NAV3: variants seen among roughly 807,000 people sequenced by gnomAD.
The protein encoded by NAV3 is pore membrane and/or filament interacting like protein 1.
Under a neutral mutation model 244.7 loss-of-function variants are expected in NAV3, and 87 were observed. The observed-to-expected ratio is 0.36, with a 90% CI of 0.30 to 0.42. The LOEUF is 0.42. Ranked by LOEUF, NAV3 falls within the 20% of genes least tolerant of loss-of-function variation. The pLI, the probability that NAV3 is intolerant of heterozygous loss-of-function variation, is 1.00. For synonymous variants in NAV3, 1,126 were observed against 1,042.2 expected, an observed-to-expected ratio of 1.08 and a Z score of -1.55; for missense variants, 2,663 against 2,893.3, an observed-to-expected ratio of 0.92 and a Z score of 1.83.
At chr12:77,789,917 C>T (rs183766705) in intron 2 of NAV3, among the ~76,000 whole-genome samples, 55 of 151,486 alleles carry the variant, frequency 3.6e-4, no homozygotes, top group East Asian at 1.6e-3. Flanking sequence ...TGTGTTGTGC[C>T]ACATTCAAAG....
At chr12:77,957,244 G>C (rs1011689432) in intron 3 of NAV3, among the ~76,000 whole-genome samples, 26 of 152,302 alleles carry the variant, frequency 1.7e-4, no homozygotes, top group Admixed American at 1.2e-3. Flanking sequence ...CAAAGGCAAA[G>C]ATCTTATCAT....
rs1228314486 is a variant in NAV3 at position 78,092,502 on chromosome 12, T to TC, written c.2637-24270_2637-24269insC. ...GCGTTAGTTATTTTCTTTTTTTTTTTTTTTTTTTTTTTTTTGAGATGGAGT... is the reference window on the plus strand; with the variant it reads ...GCGTTAGTTATTTTCTTTTTTTTTTTCTTTTTTTTTTTTTTTGAGATGGAGT... On this transcript the variant is annotated intron_variant, in intron 12 of 39. Transcript: ENST00000397909. Among the ~76,000 whole-genome samples the TC allele has an allele frequency of 1.5e-4, 20 of 136,542 alleles. 1 individual carries two copies. The South Asian group carries it at 1.5e-3, about 10-fold the overall frequency. The allele number at this position is 136,542 out of a possible 152,430, so 89.6% of individuals were successfully genotyped here.
intron 1 of NAV3, among the ~76,000 whole-genome samples, chr12:77,894,643 G>A (rs1884357135): frequency 6.6e-6 from 1 of 152,154 alleles, no homozygotes; most frequent in Admixed American, 6.5e-5. Context: ...TCAAATAAAT[G>A]TCTATGAAGA....
At chr12:77,889,967 T>C (rs1028249399) in intron 1 of NAV3, among the ~76,000 whole-genome samples, 1 of 152,160 alleles carries the variant, frequency 6.6e-6, no homozygotes, top group Non-Finnish European at 1.5e-5. Context: ...GAAGTCCAAC[T>C]GGAATAACCA....
At chr12:78,009,791 G>A (rs1290998133) in intron 8 of NAV3, among the ~76,000 whole-genome samples, 1 of 152,072 alleles carries the variant, frequency 6.6e-6, no homozygotes, top group African/African-American at 2.4e-5. Flanking sequence ...TGCCTACCTC[G>A]ATTGATTGTA....
chr12:77,647,067 T>TACACAC (rs3046395), intron 2 of NAV3, among the ~76,000 whole-genome samples: 7,269 of 149,718 alleles, frequency 0.049, 335 homozygotes, highest in African/African-American at 0.11. Context: ...CATATATATA[T>TACACAC]ACACACACAC....
upstream of NAV3, among the ~76,000 whole-genome samples, chr12:77,828,445 A>T (rs1330495532): frequency 6.6e-6 from 1 of 152,188 alleles, no homozygotes; most frequent in Admixed American, 6.5e-5. Flanking sequence ...GAATACAATC[A>T]TCTATATTTT....
intron 22 of NAV3, among the ~76,000 whole-genome samples, chr12:78,153,132 G>A (rs1173990584): frequency 6.6e-6 from 1 of 151,864 alleles, no homozygotes; most frequent in African/African-American, 2.4e-5. Context: ...CATTTATATG[G>A]ACTCTAAACA....
intron 1 of NAV3, among the ~76,000 whole-genome samples, chr12:77,852,835 T>A (rs1376410049): frequency 6.6e-6 from 1 of 152,200 alleles, no homozygotes; most frequent in Non-Finnish European, 1.5e-5. Context: ...TTTATATTAT[T>A]CCAGTACGTG....
chr12:77,607,564 T>C (rs1870725083), intron 2 of NAV3, among the ~76,000 whole-genome samples: 1 of 152,068 alleles, frequency 6.6e-6, no homozygotes, highest in South Asian at 2.1e-4. Context: ...TTAAATTGCC[T>C]AAGAGAGGGG....
At chr12:77,816,197 G>A (rs1872521447) in intron 2 of NAV3, among the ~76,000 whole-genome samples, 1 of 152,186 alleles carries the variant, frequency 6.6e-6, no homozygotes, top group African/African-American at 2.4e-5. Flanking sequence ...AGACACAGAA[G>A]GTCTGGAAAC....
chr12:77,876,486 TCATGGTAGTCAATACTGCATACA>T (rs1479449729), intron 1 of NAV3, among the ~76,000 whole-genome samples: 12 of 152,228 alleles, frequency 7.9e-5, no homozygotes, highest in Admixed American at 3.9e-4. Context: ...AAATAGTTTA[TCATGGTAGTCAATACTGCATACA>T]CATGTGCATT....
At chr12:77,668,747 G>A (rs78598875) in intron 2 of NAV3, among the ~76,000 whole-genome samples, 6,660 of 152,186 alleles carry the variant, frequency 0.044, 209 homozygotes, top group Non-Finnish European at 0.068. Context: ...GGAAAACGTC[G>A]TCCTTGGCCT....
chr12:77,712,469 A>T (rs1876167482), intron 2 of NAV3, among the ~76,000 whole-genome samples: 1 of 152,200 alleles, frequency 6.6e-6, no homozygotes, highest in Non-Finnish European at 1.5e-5. Flanking sequence ...AAAAGAGGCC[A>T]GTCTTTAATG....
At chr12:78,130,550 G>C (rs1956117790) in intron 18 of NAV3, 1 of 195,472 alleles carries the variant, frequency 5.1e-6, no homozygotes, top group Non-Finnish European at 1.1e-5. Context: ...CACACTCCCA[G>C]AGGGCTAAAT....
intron 2 of NAV3, among the ~76,000 whole-genome samples, chr12:77,582,450 T>C (rs1340485860): frequency 6.6e-6 from 1 of 152,248 alleles, no homozygotes; most frequent in Non-Finnish European, 1.5e-5. Context: ...ATTACACTTG[T>C]GATACCTGAG....
intron 22 of NAV3, among the ~76,000 whole-genome samples, chr12:78,150,570 A>G (rs966601116): frequency 2.7e-5 from 4 of 150,854 alleles, no homozygotes; most frequent in Non-Finnish European, 5.9e-5. Context: ...GTACCATTTC[A>G]ACATTTTTCT....
At chr12:77,613,335 G>C (rs1007071595) in intron 2 of NAV3, among the ~76,000 whole-genome samples, 5 of 152,102 alleles carry the variant, frequency 3.3e-5, no homozygotes, top group African/African-American at 1.2e-4. Context: ...CAGCGTTGCT[G>C]GTGTCTAAAT....
chr12:77,766,697 A>G (rs1869771381), intron 2 of NAV3, among the ~76,000 whole-genome samples: 1 of 144,946 alleles, frequency 6.9e-6, no homozygotes. Context: ...GTTTGGTCCA[A>G]CTTAAAAATT....
Sources: allele counts gnomAD v4.1 joint callset (sites outside exome capture counted in the v4.1 genomes callset), GRCh38; gene constraint gnomAD v4.1.1; transcripts MANE v1.5; gene names NCBI Gene and HGNC (gene_info 2026-07-23, HGNC 2026-07-21).